Variants in EXOC4 observed in about 807,000 individuals in gnomAD.
EXOC4 encodes SEC8-like 1.
A neutral mutation model predicts 107.2 loss-of-function variants in EXOC4; 71 were observed. That is an observed-to-expected ratio of 0.66 (90% confidence interval 0.55 to 0.81). The LOEUF (loss-of-function observed/expected upper bound fraction) is 0.81, where lower values mean the gene tolerates loss of function less well. Ranked by LOEUF, EXOC4 falls within the 30% of genes least tolerant of loss-of-function variation. EXOC4 has a pLI of 0.00. For synonymous variants in EXOC4, 456 were observed against 441.2 expected, an observed-to-expected ratio of 1.03 and a Z score of -0.42; for missense variants, 1,108 against 1,189.6, an observed-to-expected ratio of 0.93 and a Z score of 1.01.
intron 10 of EXOC4, among the ~76,000 whole-genome samples, chr7:133,803,417 G>A (rs1398348591): frequency 2.0e-5 from 3 of 152,036 alleles, no homozygotes; most frequent in African/African-American, 7.3e-5. Flanking sequence ...TGCATATTCA[G>A]CTGAGTATAA....
chr7:133,616,520 G>T (rs1396946736), intron 9 of EXOC4, among the ~76,000 whole-genome samples: 7 of 152,050 alleles, frequency 4.6e-5, no homozygotes, highest in Non-Finnish European at 8.8e-5. Flanking sequence ...TTGTTTTGAG[G>T]TAAATAATTG....
At chr7:133,281,969 C>A (rs1159263083) in intron 2 of EXOC4, among the ~76,000 whole-genome samples, 1 of 152,156 alleles carries the variant, frequency 6.6e-6, no homozygotes, top group Admixed American at 6.5e-5. Context: ...TCCCAAAGTT[C>A]TGGGATTACA....
the EXOC4 span, among the ~76,000 whole-genome samples, chr7:134,078,918 C>T: frequency 1.3e-5 from 2 of 152,146 alleles, no homozygotes; most frequent in Non-Finnish European, 1.5e-5. Context: ...TTTCTGGATG[C>T]CCCTGAGATG....
intron 9 of EXOC4, among the ~76,000 whole-genome samples, chr7:133,548,770 T>C (rs1457428999): frequency 6.6e-6 from 1 of 152,234 alleles, no homozygotes; most frequent in Non-Finnish European, 1.5e-5. Flanking sequence ...CTTAAGAGAA[T>C]GTTTTGGTTG....
At chr7:133,292,335 A>AGACTAT (rs1794426586) in intron 3 of EXOC4, among the ~76,000 whole-genome samples, 1 of 152,206 alleles carries the variant, frequency 6.6e-6, no homozygotes, top group African/African-American at 2.4e-5. Context: ...CTGTGAACCT[A>AGACTAT]ATATTCCTTT....
chr7:133,327,953 C>G (rs1427031894), intron 5 of EXOC4, among the ~76,000 whole-genome samples: 1 of 152,134 alleles, frequency 6.6e-6, no homozygotes, highest in Non-Finnish European at 1.5e-5. Context: ...TCTATTAGGT[C>G]TGCTTGTTCC....
intron 7 of EXOC4, among the ~76,000 whole-genome samples, chr7:133,397,786 A>C (rs1272333199): frequency 1.3e-5 from 2 of 152,160 alleles, no homozygotes; most frequent in African/African-American, 4.8e-5. Flanking sequence ...CAAAATTAAA[A>C]AATTACAGCT....
At chr7:133,379,580 C>T (rs1378525698) in intron 7 of EXOC4, among the ~76,000 whole-genome samples, 1 of 151,860 alleles carries the variant, frequency 6.6e-6, no homozygotes, top group African/African-American at 2.4e-5. Context: ...TACATCAAGG[C>T]CTAGATAGTA....
chr7:133,918,792 A>G (rs555712078), intron 13 of EXOC4, among the ~76,000 whole-genome samples: 2 of 152,316 alleles, frequency 1.3e-5, no homozygotes, highest in African/African-American at 4.8e-5. Flanking sequence ...TGTCACATCA[A>G]AGTTGGGATT....
chr7:133,571,909 C>T (rs976636902), intron 9 of EXOC4, among the ~76,000 whole-genome samples: 4 of 152,182 alleles, frequency 2.6e-5, no homozygotes, highest in Non-Finnish European at 5.9e-5. Context: ...TGAGGACCCT[C>T]ATGGCCTAAT....
At chr7:133,543,260 G>A (rs895301282) in intron 9 of EXOC4, among the ~76,000 whole-genome samples, 3 of 151,956 alleles carry the variant, frequency 2.0e-5, no homozygotes, top group African/African-American at 4.8e-5. Flanking sequence ...TTCCCCTAAG[G>A]CAAATTTTTA....
intron 10 of EXOC4, among the ~76,000 whole-genome samples, chr7:133,654,359 T>C (rs1244279172): frequency 6.6e-6 from 1 of 152,142 alleles, no homozygotes; most frequent in Non-Finnish European, 1.5e-5. Flanking sequence ...TTCCTTCATC[T>C]GTAAAATGGG....
At chr7:133,339,049 G>A (rs1451177911) in intron 5 of EXOC4, among the ~76,000 whole-genome samples, 1 of 152,128 alleles carries the variant, frequency 6.6e-6, no homozygotes, top group African/African-American at 2.4e-5. Flanking sequence ...ACTGTGCCCA[G>A]CCCATTATAT....
At chr7:133,356,271 C>A in intron 5 of EXOC4, 59 bp from the exon 6 acceptor site, 2 of 1,564,790 alleles carry the variant, frequency 1.3e-6, no homozygotes, top group Non-Finnish European at 8.7e-7. Context: ...TTAGACTGCT[C>A]TGTTTTGGGG....
chr7:133,918,670 C>G (rs1799866738), intron 13 of EXOC4, among the ~76,000 whole-genome samples: 1 of 152,112 alleles, frequency 6.6e-6, no homozygotes, highest in South Asian at 2.1e-4. Flanking sequence ...AAAGTGTGGC[C>G]TAATTTGATG....
At chr7:133,487,621 A>C (rs2150870353) in intron 9 of EXOC4, among the ~76,000 whole-genome samples, 1 of 152,274 alleles carries the variant, frequency 6.6e-6, no homozygotes, top group South Asian at 2.1e-4. Flanking sequence ...AGACAGGAGA[A>C]TTGCTTGAAC....
chr7:133,645,289 T>A (rs1802963228), intron 10 of EXOC4, among the ~76,000 whole-genome samples: 1 of 151,854 alleles, frequency 6.6e-6, no homozygotes, highest in African/African-American at 2.4e-5. Flanking sequence ...GTTGGGGTTT[T>A]CACTGTGTTA....
At chr7:134,034,610 G>T (rs887108376) in intron 17 of EXOC4, among the ~76,000 whole-genome samples, 1 of 152,164 alleles carries the variant, frequency 6.6e-6, no homozygotes, top group African/African-American at 2.4e-5. Context: ...TGTGAACAGG[G>T]TGCCTTGCTT....
Position 133,461,824 on chromosome 7 carries a change from A to G in EXOC4, c.1183-13504A>G, listed in dbSNP as rs113494452. On this transcript the variant is annotated intron_variant, in intron 7 of 17. Coordinates refer to ENST00000253861, the MANE Select transcript of EXOC4 (RefSeq NM_021807.4). ...TTACTTTCAATTTAGGTAACTTAAGACATTGTGCCTAGATGTTGACAGAGA... is the reference window on the plus strand; with the variant it reads ...TTACTTTCAATTTAGGTAACTTAAGGCATTGTGCCTAGATGTTGACAGAGA... 1.7e-3 allele frequency among the ~76,000 whole-genome samples: 256 copies of G among 152,304 alleles called. 1 individual carries two copies. Among genetic ancestry groups the G allele is most frequent in the African/African-American group, 5.9e-3 (244 of 41,574 alleles).
Sources: allele counts gnomAD v4.1 joint callset (sites outside exome capture counted in the v4.1 genomes callset), GRCh38; gene constraint gnomAD v4.1.1; transcripts MANE v1.5; gene names NCBI Gene and HGNC (gene_info 2026-07-23, HGNC 2026-07-21).